The following PDZD2 variants were observed in gnomAD, a reference collection of about 807,000 sequenced individuals.
PDZD2 encodes PDZ domain-containing protein 2.
In PDZD2, 90 loss-of-function variants were observed where a neutral mutation model predicts 220.7. The observed-to-expected ratio is 0.41, with a 90% confidence interval of 0.34 to 0.49. The LOEUF (loss-of-function observed/expected upper bound fraction) is 0.49, where lower values mean the gene tolerates loss of function less well. PDZD2 is among the 20% of genes least tolerant of loss of function. The pLI, the probability that PDZD2 is intolerant of heterozygous loss-of-function variation, is 0.28. For missense variants in PDZD2, 3,174 were observed against 3,608.5 expected (o/e 0.88, Z 3.08); for synonymous variants, 1,375 against 1,450.5 (o/e 0.95, Z 1.18).
At chr5:32,104,417 ACAATCTCTGCTCACTG>A (rs1744539732) in intron 24 of PDZD2, among the ~76,000 whole-genome samples, 1 of 151,338 alleles carries the variant, frequency 6.6e-6, no homozygotes, top group Admixed American at 6.6e-5. Flanking sequence ...GTGCAGTGTC[ACAATCTCTGCTCACTG>A]CAATCTCTGC....
At chr5:31,937,656 C>T (rs577435393) in intron 2 of PDZD2, among the ~76,000 whole-genome samples, 283 of 152,314 alleles carry the variant, frequency 1.9e-3, no homozygotes, top group African/African-American at 6.7e-3. Context: ...CACAGCTAGC[C>T]TTCTATGGGA....
chr5:31,708,886 T>A (rs406266), intron 1 of PDZD2, among the ~76,000 whole-genome samples: 1 of 146,056 alleles, frequency 6.8e-6, no homozygotes, highest in East Asian at 2.0e-4. Flanking sequence ...GTTTTGTTTT[T>A]TTTTTTTTTT....
chr5:31,777,267 C>T (rs1434674802), intron 1 of PDZD2, among the ~76,000 whole-genome samples: 3 of 152,176 alleles, frequency 2.0e-5, no homozygotes, highest in Admixed American at 6.5e-5. Context: ...GCAGAGGGGG[C>T]GCCAGGTCCC....
intron 8 of PDZD2, among the ~76,000 whole-genome samples, chr5:32,052,138 G>A (rs1259944761): frequency 1.3e-5 from 2 of 152,192 alleles, no homozygotes; most frequent in African/African-American, 4.8e-5. Context: ...TGTTGTAGTA[G>A]GGGCTATTCT....
intron 1 of PDZD2, among the ~76,000 whole-genome samples, chr5:31,754,923 C>T (rs774844937): frequency 2.0e-5 from 3 of 152,168 alleles, no homozygotes; most frequent in Non-Finnish European, 4.4e-5. Context: ...ATAAAAATAC[C>T]AATCTACATA....
chr5:31,729,985 G>A (rs1383028410), intron 1 of PDZD2, among the ~76,000 whole-genome samples: 1 of 152,050 alleles, frequency 6.6e-6, no homozygotes, highest in African/African-American at 2.4e-5. Flanking sequence ...ATGCCACCAC[G>A]CCCAGCTAAT....
At chr5:31,665,279 C>T (rs958015761) in intron 1 of PDZD2, among the ~76,000 whole-genome samples, 1 of 152,182 alleles carries the variant, frequency 6.6e-6, no homozygotes, top group Non-Finnish European at 1.5e-5. Context: ...CTGCTCTTTC[C>T]TGTCCCTGGA....
At chr5:31,765,392 T>G (rs866417256) in intron 1 of PDZD2, among the ~76,000 whole-genome samples, 1 of 152,144 alleles carries the variant, frequency 6.6e-6, no homozygotes, top group Non-Finnish European at 1.5e-5. Context: ...AAAGCTACCA[T>G]TGGGAAAGGA....
intron 1 of PDZD2, among the ~76,000 whole-genome samples, chr5:31,782,224 A>C (rs540725085): frequency 1.9e-4 from 29 of 152,290 alleles, no homozygotes; most frequent in African/African-American, 6.3e-4. Context: ...TTTAATTTGA[A>C]TTTCAGATAA....
intron 5 of PDZD2, among the ~76,000 whole-genome samples, chr5:32,003,691 TTTTTTG>T (rs1752579639): frequency 1.3e-5 from 2 of 152,070 alleles, no homozygotes; most frequent in African/African-American, 2.4e-5. Flanking sequence ...TCTTGTTAGT[TTTTTTG>T]TTTTTGTTTT....
intron 2 of PDZD2, among the ~76,000 whole-genome samples, chr5:31,928,370 GTTAAGGAGCATTCT>G (rs1744974051): frequency 6.6e-6 from 1 of 152,134 alleles, no homozygotes; most frequent in Non-Finnish European, 1.5e-5. Context: ...TGACCACAGA[GTTAAGGAGCATTCT>G]TTCATAGAGC....
intron 1 of PDZD2, among the ~76,000 whole-genome samples, chr5:31,785,901 C>T (rs1055434744): frequency 2.0e-5 from 3 of 152,126 alleles, no homozygotes; most frequent in Admixed American, 6.5e-5. Context: ...ACAGTCGCTC[C>T]ACATCACTTC....
intron 2 of PDZD2, among the ~76,000 whole-genome samples, chr5:31,877,189 A>G (rs949739058): frequency 6.6e-6 from 1 of 152,120 alleles, no homozygotes; most frequent in African/African-American, 2.4e-5. Context: ...ATTCATTAGT[A>G]CTTTATCAGA....
chr5:32,067,881 A>G (rs1740354421), intron 14 of PDZD2, among the ~76,000 whole-genome samples: 1 of 152,238 alleles, frequency 6.6e-6, no homozygotes, highest in Non-Finnish European at 1.5e-5. Context: ...TGAAAGCTTC[A>G]TAGTCATACT....
intron 1 of PDZD2, among the ~76,000 whole-genome samples, chr5:31,728,429 G>C (rs1159864980): frequency 6.6e-6 from 1 of 152,202 alleles, no homozygotes; most frequent in Non-Finnish European, 1.5e-5. Context: ...AGGAGAAGGA[G>C]TGGCGTATTT....
At chr5:31,782,376 A>G (rs76568982) in intron 1 of PDZD2, among the ~76,000 whole-genome samples, 11,921 of 152,226 alleles carry the variant, frequency 0.078, 626 homozygotes, top group Middle Eastern at 0.13. Context: ...ACTGGGAGCT[A>G]TACATTCTTA....
chr5:31,921,421 C>T (rs555004780), intron 2 of PDZD2, among the ~76,000 whole-genome samples: 18 of 152,198 alleles, frequency 1.2e-4, no homozygotes, highest in East Asian at 1.2e-3. Context: ...CAGTGGCTCA[C>T]GCCTGTAATC....
intron 7 of PDZD2, among the ~76,000 whole-genome samples, chr5:32,038,798 C>G (rs943864500): frequency 1.3e-5 from 2 of 152,238 alleles, no homozygotes; most frequent in Middle Eastern, 3.4e-3. Flanking sequence ...GTTTAGCCCT[C>G]AGCTCCTGAG....
intron 1 of PDZD2, among the ~76,000 whole-genome samples, chr5:31,689,730 A>C: frequency 6.7e-6 from 1 of 149,140 alleles, no homozygotes; most frequent in Admixed American, 6.7e-5. Context: ...AGGGTTCAAG[A>C]CTCTTCTCTG....
Sources: gnomAD v4.1 joint callset for allele counts (sites outside exome capture counted in the v4.1 genomes callset) on GRCh38, gnomAD v4.1.1 for gene constraint, MANE v1.5 for transcripts, NCBI Gene and HGNC (gene_info 2026-07-23, HGNC 2026-07-21) for gene names.